The following SGCZ variants were observed in gnomAD, a reference collection of about 807,000 sequenced individuals.
The protein encoded by SGCZ is sarcoglycan zeta, also known as zeta-sarcoglycan.
Under a neutral mutation model 41.3 loss-of-function variants are expected in SGCZ, and 40 were observed. The ratio of observed to expected loss-of-function variants is 0.97; its 90% confidence interval spans 0.75 to 1.26. The LOEUF is 1.26. Ranked by LOEUF, SGCZ falls within the 50% of genes most tolerant of loss-of-function variation. The pLI is 0.00. For missense variants in SGCZ, 552 were observed against 369.8 expected, an observed-to-expected ratio of 1.49 and a Z score of -4.04; for synonymous variants, 206 against 137.5, an observed-to-expected ratio of 1.50 and a Z score of -3.49.
chr8:14,283,979 T>C (rs186533895), intron 3 of SGCZ, among the ~76,000 whole-genome samples: 1 of 152,368 alleles, frequency 6.6e-6, no homozygotes, highest in East Asian at 1.9e-4. Context: ...CAACTTTTGT[T>C]TTATATAAGG....
intron 1 of SGCZ, among the ~76,000 whole-genome samples, chr8:14,692,089 A>G (rs1013889685): frequency 1.3e-5 from 2 of 152,020 alleles, no homozygotes; most frequent in African/African-American, 4.8e-5. Context: ...TTTTTAGTCA[A>G]GAATTTCTTG....
chr8:14,771,809 A>C (rs1800249156), intron 1 of SGCZ, among the ~76,000 whole-genome samples: 2 of 152,256 alleles, frequency 1.3e-5, no homozygotes, highest in South Asian at 4.1e-4. Flanking sequence ...AATGATAAAT[A>C]ATTTGCATTG....
intron 1 of SGCZ, among the ~76,000 whole-genome samples, chr8:14,814,755 A>G (rs903811471): frequency 6.6e-6 from 1 of 152,120 alleles, no homozygotes; most frequent in Non-Finnish European, 1.5e-5. Flanking sequence ...TCCTTGCAGA[A>G]ATCGGTTAAG....
chr8:14,336,162 T>C (rs1211512593), intron 2 of SGCZ, among the ~76,000 whole-genome samples: 2 of 152,076 alleles, frequency 1.3e-5, no homozygotes, highest in African/African-American at 2.4e-5. Flanking sequence ...TGATAACATA[T>C]AGTATTTGGT....
chr8:14,800,074 A>G (rs1801270720), intron 1 of SGCZ, among the ~76,000 whole-genome samples: 1 of 149,934 alleles, frequency 6.7e-6, no homozygotes, highest in Non-Finnish European at 1.5e-5. Flanking sequence ...TACTCTACCT[A>G]TAAAGAATAT....
At chr8:14,502,035 G>C (rs1334663493) in intron 2 of SGCZ, among the ~76,000 whole-genome samples, 2 of 152,012 alleles carry the variant, frequency 1.3e-5, no homozygotes, top group African/African-American at 2.4e-5. Context: ...TAGAAATTAA[G>C]AATGTCAATT....
At chr8:14,789,063 C>G (rs1002400935) in intron 1 of SGCZ, among the ~76,000 whole-genome samples, 9 of 152,142 alleles carry the variant, frequency 5.9e-5, no homozygotes, top group African/African-American at 2.2e-4. Context: ...TCACAGCCAA[C>G]AACCCTGCGC....
At chr8:15,199,444 G>A (rs770975414) in intron 1 of SGCZ, among the ~76,000 whole-genome samples, 3 of 152,008 alleles carry the variant, frequency 2.0e-5, no homozygotes, top group African/African-American at 4.8e-5. Context: ...AAAGTTGAGC[G>A]ATACCATTAC....
intron 5 of SGCZ, among the ~76,000 whole-genome samples, chr8:14,158,930 G>C (rs759657635): frequency 5.9e-5 from 9 of 152,046 alleles, no homozygotes; most frequent in Admixed American, 1.3e-4. Context: ...CAGCACACTG[G>C]CTAATTTTTG....
intron 1 of SGCZ, among the ~76,000 whole-genome samples, chr8:15,113,079 A>T (rs1372694612): frequency 6.6e-6 from 1 of 151,880 alleles, no homozygotes; most frequent in Non-Finnish European, 1.5e-5. Flanking sequence ...TGTGGTTGTG[A>T]GCGCCTGTAG....
At chr8:15,087,172 G>A (rs1269163411) in intron 1 of SGCZ, among the ~76,000 whole-genome samples, 1 of 151,976 alleles carries the variant, frequency 6.6e-6, no homozygotes, top group Non-Finnish European at 1.5e-5. Context: ...AGAGATTAAA[G>A]GTACCCAACA....
intron 3 of SGCZ, among the ~76,000 whole-genome samples, chr8:14,280,220 GTATA>G (rs1042875912): frequency 3.3e-5 from 5 of 151,744 alleles, no homozygotes; most frequent in East Asian, 1.9e-4. Flanking sequence ...TTTTGAATCC[GTATA>G]TATATAAATA....
At chr8:14,357,143 T>C (rs958338382) in intron 2 of SGCZ, among the ~76,000 whole-genome samples, 3 of 152,182 alleles carry the variant, frequency 2.0e-5, no homozygotes, top group African/African-American at 7.2e-5. Flanking sequence ...CCTTGATATG[T>C]TGATATTTTT....
intron 1 of SGCZ, among the ~76,000 whole-genome samples, chr8:14,861,753 T>C (rs901238408): frequency 6.6e-6 from 1 of 152,044 alleles, no homozygotes; most frequent in African/African-American, 2.4e-5. Flanking sequence ...TCTTTAGACT[T>C]GCACGTGGTG....
intron 1 of SGCZ, among the ~76,000 whole-genome samples, chr8:14,904,447 T>C (rs1799065591): frequency 6.6e-6 from 1 of 152,074 alleles, no homozygotes; most frequent in Non-Finnish European, 1.5e-5. Flanking sequence ...TTCTGTAAAC[T>C]AGAAGCATAA....
At chr8:14,193,040 C>G (rs1339580900) in intron 4 of SGCZ, among the ~76,000 whole-genome samples, 1 of 151,826 alleles carries the variant, frequency 6.6e-6, no homozygotes, top group Non-Finnish European at 1.5e-5. Context: ...GAATGGGATA[C>G]TTTTCCCAAA....
chr8:15,038,814 C>CAAAAAAAAAAAAAAAAAAAAAAAAAAAA (rs58922339), intron 1 of SGCZ, among the ~76,000 whole-genome samples: 1 of 93,086 alleles, frequency 1.1e-5, no homozygotes, highest in African/African-American at 4.0e-5. Context: ...TGACATTTCT[C>CAAAAAAAAAAAAAAAAAAAAAAAAAAAA]AAAAAAAAAA....
chr8:14,826,531 C>T (rs1272034584), intron 1 of SGCZ, among the ~76,000 whole-genome samples: 1 of 152,160 alleles, frequency 6.6e-6, no homozygotes. Context: ...AATGGTTGAA[C>T]TAGTTTACAG....
intron 1 of SGCZ, among the ~76,000 whole-genome samples, chr8:14,955,608 G>A (rs1387718448): frequency 3.3e-5 from 5 of 152,162 alleles, no homozygotes; most frequent in Non-Finnish European, 7.4e-5. Flanking sequence ...GTATATAATG[G>A]AATCAAATTA....
Sources: allele counts gnomAD v4.1 joint callset (sites outside exome capture counted in the v4.1 genomes callset), GRCh38; gene constraint gnomAD v4.1.1; transcripts MANE v1.5; gene names NCBI Gene and HGNC (gene_info 2026-07-23, HGNC 2026-07-21).